TECPR1: variants seen among roughly 807,000 people sequenced by gnomAD.
TECPR1 encodes the protein tectonin beta-propeller repeat-containing protein 1.
Under a neutral mutation model 162.4 loss-of-function variants are expected in TECPR1, and 122 were observed. That is an observed-to-expected ratio of 0.75 (90% CI 0.65 to 0.87). The LOEUF (loss-of-function observed/expected upper bound fraction) is 0.87, where lower values mean the gene tolerates loss of function less well. TECPR1 is among the 40% of genes least tolerant of loss of function. TECPR1 has a pLI of 0.00. For synonymous variants in TECPR1, 642 were observed against 670.6 expected (o/e 0.96, Z 0.66); for missense variants, 1,432 against 1,618.2 (o/e 0.88, Z 1.97).
intron 17 of TECPR1, chr7:98,226,860 A>G (rs11983144): frequency 0.85 from 204,817 of 239,756 alleles, 88,667 homozygotes; most frequent in East Asian, 0.95. Flanking sequence ...TTGAACCCAG[A>G]AGGCAAAGGC....
intron 2 of TECPR1, among the ~76,000 whole-genome samples, chr7:98,247,147 G>A (rs1798931778): frequency 6.6e-6 from 1 of 151,306 alleles, no homozygotes; most frequent in Admixed American, 6.6e-5. Context: ...CAAAAAAAAA[G>A]AATTTAAAAA....
intron 5 of TECPR1, among the ~76,000 whole-genome samples, chr7:98,243,803 C>A (rs1798831340): frequency 6.6e-6 from 1 of 152,218 alleles, no homozygotes; most frequent in Non-Finnish European, 1.5e-5. Context: ...ACCATGTTGG[C>A]CAGGCTGTTC....
rs937352910 is a variant in TECPR1 at position 98,221,825 on chromosome 7, C to T, written c.3065-72G>A. On this transcript the variant is annotated intron_variant, in intron 22 of 25. Coordinates refer to ENST00000447648, the MANE Select transcript of TECPR1 (RefSeq NM_015395.3). ...ATGGGCCAGGTGGGGCTGTGGGCCT[C>T]GGTCCCCAGCTGCCTCTCGGATGTG... is the stretch of plus-strand genomic sequence containing the variant. 7 of 1,222,880 alleles carry T rather than the reference C, an allele frequency of 5.7e-6. No individual in the cohort carries two copies. The East Asian group carries it at 7.1e-5, about 12-fold the overall frequency. The allele number at this position is 1,222,880 out of a possible 1,614,324, so 75.8% of individuals were successfully genotyped here. A position where few individuals can be genotyped will look rare whatever the true frequency, so the allele number is the denominator to read the frequency against.
In TECPR1 at chr7:98,236,871, G is replaced by GT; in HGVS notation, c.1085_1086insA (p.Thr363HisfsTer20). The GT allele has an allele frequency of 6.3e-7, 1 of 1,581,118 alleles. No individual in the cohort carries two copies. Among genetic ancestry groups the GT allele is most frequent in the South Asian group, 1.2e-5 (1 of 86,162 alleles). On this transcript the variant is annotated frameshift_variant, in exon 10 of 26. Coordinates refer to ENST00000447648, the MANE Select transcript of TECPR1 (RefSeq NM_015395.3). LOFTEE classifies it high-confidence loss of function. ...TCTTCCCACTGAGCTCGCTGGGGGTGACACCCTGCCGGAAGTACACGGCTC... is the reference window on the plus strand; with the variant it reads ...TCTTCCCACTGAGCTCGCTGGGGGTGTACACCCTGCCGGAAGTACACGGCTC...
rs1034422738 is a variant in TECPR1, at chr7:98,232,897, A to C, written c.1748T>G (p.Phe583Cys). 6.2e-6 allele frequency: 10 copies of C among 1,612,812 alleles called. No homozygotes were observed. In the Admixed American group the frequency reaches 1.2e-4, roughly 19 times the overall value. Residue 583 changes from phenylalanine to cysteine, a missense_variant, in exon 12 of 26, where the codon TTC (phenylalanine) becomes TGC (cysteine). Transcript: ENST00000447648. The surrounding 1 kb of genome is among the most constrained non-coding windows in gnomAD (Gnocchi z 4.6). ...CTTGGTCCTTTCCGTGAGCTGCTGGAAGATCTGCTTCCTCCAGGCAGCGGT... is the reference window on the plus strand; with the variant it reads ...CTTGGTCCTTTCCGTGAGCTGCTGGCAGATCTGCTTCCTCCAGGCAGCGGT... ...AQTAAWRKQIFQQLTERTKRE... is the reference protein window; with the variant it reads ...AQTAAWRKQICQQLTERTKRE...
intron 6 of TECPR1, among the ~76,000 whole-genome samples, chr7:98,243,205 AC>A (rs1479544563): frequency 6.7e-6 from 1 of 150,088 alleles, no homozygotes; most frequent in Non-Finnish European, 1.5e-5. Context: ...CCACACACCC[AC>A]CCCCACACTA....
chr7:98,235,066 C>G (rs1798558286), intron 10 of TECPR1, among the ~76,000 whole-genome samples: 1 of 152,156 alleles, frequency 6.6e-6, no homozygotes, highest in South Asian at 2.1e-4. Flanking sequence ...TTTTGATTCA[C>G]AAAAGTTTTT....
At chr7:98,238,321 C>T (rs1283525451) in intron 9 of TECPR1, among the ~76,000 whole-genome samples, 188 bp downstream of exon 9, 1 of 152,158 alleles carries the variant, frequency 6.6e-6, no homozygotes, top group African/African-American at 2.4e-5. Context: ...GGTGCTGTGC[C>T]ACCGGGGGGG....
chr7:98,228,961 C>CT, intron 16 of TECPR1, 78 bp downstream of exon 16: 1 of 1,526,850 alleles, frequency 6.5e-7, no homozygotes, highest in South Asian at 1.2e-5. Flanking sequence ...TGGCCCTGGC[C>CT]TTGGGCAGGG....
At chr7:98,235,849 A>AAAAAAAAAAAAAAAAAAAAAAAAAAAC in intron 10 of TECPR1, among the ~76,000 whole-genome samples, 3 of 110,330 alleles carry the variant, frequency 2.7e-5, no homozygotes, top group African/African-American at 9.2e-5. Flanking sequence ...AAAAAAAAAA[A>AAAAAAAAAAAAAAAAAAAAAAAAAAAC]AACACCATCT....
chr7:98,224,532 C>T (rs531596145), intron 19 of TECPR1, among the ~76,000 whole-genome samples: 4 of 152,326 alleles, frequency 2.6e-5, no homozygotes, highest in South Asian at 4.1e-4. Context: ...CAGGGATGAA[C>T]GTGGCGTGGG....
chr7:98,231,957 C>T lies in TECPR1; in HGVS notation c.1821G>A (p.Ser607=), dbSNP rs763137469. 59 of 1,602,552 alleles carry T rather than the reference C, an allele frequency of 3.7e-5. No individual in the cohort carries two copies. In the East Asian group the frequency reaches 7.8e-4, roughly 21 times the overall value. ...FRHYEQAVEQ[S]VWVKTGALQW... ...GCAGCGCCCCGGTCTTCACCCACAC[C>T]GACTGCGCAGGCCGGGGCAGTGGAC... The change falls in exon 13 of 26, where the codon TCG becomes TCA. Residue 607 remains serine (S), a splice_region_variant and synonymous_variant. Coordinates refer to ENST00000447648, the MANE Select transcript of TECPR1 (RefSeq NM_015395.3).
chr7:98,222,360 A>G lies in TECPR1; in HGVS notation c.3064+26T>C, dbSNP rs753266298. On this transcript the variant is annotated intron_variant, in intron 22 of 25. Coordinates refer to ENST00000447648, the MANE Select transcript of TECPR1 (RefSeq NM_015395.3). ...AGCTTGGACGGAAGGTGAACACTGC[A>G]GGGGCTCCTGGGGCGCGGCACTCAC... 8 of 1,602,842 alleles carry G rather than the reference A, an allele frequency of 5.0e-6. No individual in the cohort carries two copies. In the South Asian group the frequency reaches 7.8e-5, roughly 16 times the overall value.
intron 17 of TECPR1, chr7:98,226,795 T>C (rs1798289188): frequency 2.0e-6 from 1 of 506,930 alleles, no homozygotes; most frequent in South Asian, 1.7e-5. Flanking sequence ...TAGCCAGGTA[T>C]GGTGGTGCAT....
At position 98,216,537 on chromosome 7, in the gene TECPR1, A is replaced by G. The variant is rs1436254094; in HGVS notation, c.*853T>C. The G allele has an allele frequency of 6.8e-6, 1 of 146,600 alleles. No individual in the cohort carries two copies. Among genetic ancestry groups the G allele is most frequent in the Non-Finnish European group, 1.5e-5 (1 of 67,082 alleles). The allele number at this position is 146,600 out of a possible 1,614,324, so 9.1% of individuals were successfully genotyped here. ...CCCATCCACTCCAGTGTTATTTCCAATCTGCTGTCTCCTTCCTTCACTTTT... is the reference window on the plus strand; with the variant it reads ...CCCATCCACTCCAGTGTTATTTCCAGTCTGCTGTCTCCTTCCTTCACTTTT... On this transcript the variant is annotated 3_prime_UTR_variant, in exon 26 of 26. Coordinates refer to ENST00000447648, the MANE Select transcript of TECPR1 (RefSeq NM_015395.3).
chr7:98,243,622 G>A, intron 5 of TECPR1, 30 bp from the exon 6 acceptor site: 1 of 1,602,500 alleles, frequency 6.2e-7, no homozygotes, highest in South Asian at 1.1e-5. Context: ...AATGGTAGCA[G>A]TCAGCGCCCA....
intron 17 of TECPR1, among the ~76,000 whole-genome samples, chr7:98,227,297 CAGG>C (rs1263486149): frequency 3.3e-5 from 5 of 149,326 alleles, no homozygotes; most frequent in Admixed American, 6.7e-5. Context: ...TAGGCTGAGG[CAGG>C]AGAATAGCTT....
At chr7:98,222,655 C>A in intron 21 of TECPR1, 134 bp from the exon 22 acceptor site, 1 of 1,107,576 alleles carries the variant, frequency 9.0e-7, no homozygotes, top group Non-Finnish European at 1.3e-6. Flanking sequence ...TCACACAGCC[C>A]CACCCGGCCT....
At chr7:98,249,315 A>G (rs1232178790) in intron 2 of TECPR1, among the ~76,000 whole-genome samples, 1 of 152,134 alleles carries the variant, frequency 6.6e-6, no homozygotes, top group Non-Finnish European at 1.5e-5. Context: ...GAAGTGGGGG[A>G]AAAGAATAGG....
Sources: allele counts gnomAD v4.1 joint callset (sites outside exome capture counted in the v4.1 genomes callset), GRCh38; gene constraint gnomAD v4.1.1; non-coding constraint Gnocchi (gnomAD v3.1); transcripts MANE v1.5; gene names NCBI Gene and HGNC (gene_info 2026-07-23, HGNC 2026-07-21).